Variants in CDKAL1 observed in about 807,000 individuals in gnomAD.
CDKAL1 encodes the protein CDKAL1 threonylcarbamoyladenosine tRNA methylthiotransferase, also known as threonylcarbamoyladenosine tRNA methylthiotransferase.
CDKAL1 carries 32 observed loss-of-function variants against 68.2 expected under a neutral mutation model. The ratio of observed to expected loss-of-function variants is 0.47; its 90% CI spans 0.35 to 0.63. The LOEUF is 0.63. CDKAL1 is among the 30% of genes least tolerant of loss of function. The pLI is 0.00. For synonymous variants in CDKAL1, 234 were observed against 244.3 expected (o/e 0.96, Z 0.39); for missense variants, 606 against 696.7 (o/e 0.87, Z 1.47).
At chr6:20,669,900 C>A (rs1769729865) in intron 5 of CDKAL1, among the ~76,000 whole-genome samples, 2 of 152,012 alleles carry the variant, frequency 1.3e-5, no homozygotes, top group Admixed American at 6.6e-5. Context: ...AGACTTAAAT[C>A]TACTAAGACT....
At chr6:20,705,107 T>C (rs1016068983) in intron 5 of CDKAL1, among the ~76,000 whole-genome samples, 2 of 152,222 alleles carry the variant, frequency 1.3e-5, no homozygotes, top group Non-Finnish European at 2.9e-5. Context: ...GGAAGTGTTG[T>C]ACAAAATGAT....
chr6:21,117,908 G>T (rs1252261634), intron 13 of CDKAL1, among the ~76,000 whole-genome samples: 2 of 152,166 alleles, frequency 1.3e-5, no homozygotes, highest in African/African-American at 4.8e-5. Flanking sequence ...GCTAACACGT[G>T]TGTCAGCTAC....
intron 5 of CDKAL1, among the ~76,000 whole-genome samples, chr6:20,716,328 G>T (rs1041744872): frequency 6.6e-6 from 1 of 152,170 alleles, no homozygotes; most frequent in Non-Finnish European, 1.5e-5. Context: ...TTTGAAAGAG[G>T]TGATATTTGA....
intron 8 of CDKAL1, among the ~76,000 whole-genome samples, chr6:20,792,143 T>C (rs1284215715): frequency 6.6e-6 from 1 of 152,228 alleles, no homozygotes; most frequent in East Asian, 1.9e-4. Context: ...TGACTGCATC[T>C]CAGCATGGTA....
intron 11 of CDKAL1, among the ~76,000 whole-genome samples, chr6:21,044,546 C>T (rs184133806): frequency 6.6e-6 from 1 of 152,172 alleles, no homozygotes; most frequent in East Asian, 1.9e-4. Flanking sequence ...TTCACAGATG[C>T]CAAAATTGTT....
At chr6:20,796,435 A>G (rs918494475) in intron 8 of CDKAL1, among the ~76,000 whole-genome samples, 14 of 152,188 alleles carry the variant, frequency 9.2e-5, no homozygotes, top group Admixed American at 2.6e-4. Flanking sequence ...ATTTAAAGTA[A>G]TTTGAATACA....
intron 5 of CDKAL1, among the ~76,000 whole-genome samples, chr6:20,699,776 G>T (rs555769973): frequency 6.6e-6 from 1 of 152,082 alleles, no homozygotes; most frequent in African/African-American, 2.4e-5. Context: ...TTAATGAGTG[G>T]TCAATTTAGA....
intron 4 of CDKAL1, among the ~76,000 whole-genome samples, chr6:20,593,040 G>A (rs989642085): frequency 3.3e-5 from 5 of 152,162 alleles, no homozygotes; most frequent in African/African-American, 1.2e-4. Flanking sequence ...TGGTGGATAA[G>A]CTTTTTGATG....
At chr6:20,797,175 A>G (rs557560919) in intron 8 of CDKAL1, among the ~76,000 whole-genome samples, 1 of 152,338 alleles carries the variant, frequency 6.6e-6, no homozygotes, top group African/African-American at 2.4e-5. Flanking sequence ...TTCAAAACTC[A>G]CTAGGAAAAC....
At chr6:21,135,805 A>G (rs1775563095) in intron 13 of CDKAL1, 1 of 533,868 alleles carries the variant, frequency 1.9e-6, no homozygotes, top group African/African-American at 2.1e-5. Flanking sequence ...CCGCTTCTCC[A>G]TTGGAGAACG....
intron 7 of CDKAL1, chr6:20,773,010 T>C (rs1255508210): frequency 1.3e-5 from 2 of 152,220 alleles, no homozygotes; most frequent in Non-Finnish European, 2.9e-5. Context: ...CTCATTTTAA[T>C]ATCTTTTTCT....
chr6:21,187,587 A>G (rs1452455051), intron 13 of CDKAL1, among the ~76,000 whole-genome samples: 1 of 152,082 alleles, frequency 6.6e-6, no homozygotes, highest in Non-Finnish European at 1.5e-5. Flanking sequence ...TGAGTTTTAT[A>G]CCATTGGTAA....
rs553487274 is a variant in CDKAL1, at chr6:20,834,531, T to G, written c.639-11544T>G. ...TGGTTTATTTTTGTTTTAACCCTAT[T>G]GGAGTCCACATTACCAGACTTTTAG... On this transcript the variant is annotated intron_variant, in intron 8 of 15. Transcript: ENST00000274695. 3.3e-5 allele frequency among the ~76,000 whole-genome samples: 5 copies of G among 152,326 alleles called. No homozygotes were observed. The East Asian group carries it at 9.6e-4, about 29-fold the overall frequency.
chr6:20,730,055 C>T (rs1375232130), intron 5 of CDKAL1, among the ~76,000 whole-genome samples: 1 of 152,148 alleles, frequency 6.6e-6, no homozygotes, highest in Non-Finnish European at 1.5e-5. Flanking sequence ...CACAGTGGCT[C>T]ATGCCTGTAA....
chr6:21,065,647 A>G (rs1771396141), intron 12 of CDKAL1, among the ~76,000 whole-genome samples: 2 of 136,558 alleles, frequency 1.5e-5, no homozygotes, highest in South Asian at 2.4e-4. Flanking sequence ...CTGCTTTTCT[A>G]TTGGATAGAT....
intron 11 of CDKAL1, among the ~76,000 whole-genome samples, chr6:21,035,401 A>C (rs1436841116): frequency 6.6e-6 from 1 of 152,086 alleles, no homozygotes; most frequent in Admixed American, 6.6e-5. Context: ...TTAAAATATT[A>C]TTTAGTACCC....
intron 5 of CDKAL1, among the ~76,000 whole-genome samples, chr6:20,669,519 T>A (rs572648172): frequency 1.1e-4 from 17 of 152,306 alleles, no homozygotes; most frequent in African/African-American, 3.8e-4. Context: ...GTTTGTTTTC[T>A]TATTGAGTGA....
intron 4 of CDKAL1, among the ~76,000 whole-genome samples, chr6:20,566,001 C>T (rs1264275558): frequency 6.6e-6 from 1 of 151,570 alleles, no homozygotes; most frequent in East Asian, 1.9e-4. Flanking sequence ...TTTTTAAACC[C>T]CTTTGTTTCT....
intron 8 of CDKAL1, among the ~76,000 whole-genome samples, chr6:20,815,684 A>G (rs1777014157): frequency 6.6e-6 from 1 of 152,140 alleles, no homozygotes; most frequent in Non-Finnish European, 1.5e-5. Context: ...TCATTAAAAA[A>G]AGGTTTAGAA....
Sources: gnomAD v4.1 joint callset for allele counts (sites outside exome capture counted in the v4.1 genomes callset) on GRCh38, gnomAD v4.1.1 for gene constraint, MANE v1.5 for transcripts, NCBI Gene and HGNC (gene_info 2026-07-23, HGNC 2026-07-21) for gene names.